The following UNC5D variants were observed in gnomAD, a reference collection of about 807,000 sequenced individuals.
The protein encoded by UNC5D is unc-5 netrin receptor D.
A neutral mutation model predicts 105.4 loss-of-function variants in UNC5D; 39 were observed. That is an observed-to-expected ratio of 0.37 (90% CI 0.29 to 0.48). The LOEUF is 0.48. UNC5D is among the 20% of genes least tolerant of loss of function. The probability of loss-of-function intolerance (pLI) is 0.98; values close to 1 mark genes in which losing one functional copy is unlikely to be tolerated. For synonymous variants in UNC5D, 452 were observed against 450.4 expected, an observed-to-expected ratio of 1.00 and a Z score of -0.04; for missense variants, 991 against 1,202.4, an observed-to-expected ratio of 0.82 and a Z score of 2.60.
At position 35,796,135 on chromosome 8, in the gene UNC5D, G is replaced by A. The variant is rs1185451100; in HGVS notation, c.*5572G>A. On this transcript the variant is annotated 3_prime_UTR_variant, in exon 17 of 17. Coordinates refer to ENST00000404895, the MANE Select transcript of UNC5D (RefSeq NM_080872.4). ...AAAAAATAAAATAAAATAAAGCAGG[G>A]CTGAACACTTAATTTGACATGAAGC... 6.6e-6 allele frequency: 1 copy of A among 152,060 alleles called. No individual in the cohort carries two copies. The highest frequency in any genetic ancestry group is 1.5e-5 in the Non-Finnish European group (1 of 68,028). 9.4% of individuals were successfully genotyped at this position (152,060 alleles called of 1,614,324 possible). A position where few individuals can be genotyped will look rare whatever the true frequency, so the allele number is the denominator to read the frequency against.
chr8:35,525,177 C>T, intron 1 of UNC5D: 2 of 1,610,166 alleles, frequency 1.2e-6, no homozygotes, highest in Non-Finnish European at 1.7e-6. Context: ...TGTACGGACT[C>T]AGGATGACAG....
At chr8:35,620,777 T>C (rs1821316356) in intron 4 of UNC5D, among the ~76,000 whole-genome samples, 1 of 152,222 alleles carries the variant, frequency 6.6e-6, no homozygotes, top group Non-Finnish European at 1.5e-5. Context: ...GTTTCCTAGT[T>C]TCTGTTGTCT....
At chr8:35,717,857 T>G (rs1011058026) in intron 8 of UNC5D, among the ~76,000 whole-genome samples, 12 of 152,286 alleles carry the variant, frequency 7.9e-5, no homozygotes, top group African/African-American at 2.9e-4. Flanking sequence ...TAACAACATT[T>G]TATGTATTCA....
intron 1 of UNC5D, among the ~76,000 whole-genome samples, chr8:35,368,073 T>C (rs1172945572): frequency 6.6e-6 from 1 of 152,194 alleles, no homozygotes; most frequent in Non-Finnish European, 1.5e-5. Flanking sequence ...GGTCAAATTA[T>C]GTCCACTAAG....
chr8:35,673,539 G>A (rs1385538761), intron 4 of UNC5D, among the ~76,000 whole-genome samples: 6 of 152,116 alleles, frequency 3.9e-5, no homozygotes, highest in African/African-American at 1.4e-4. Flanking sequence ...CAAGCATATA[G>A]CCTTAGGCAA....
chr8:35,266,198 T>C (rs907154693), intron 1 of UNC5D, among the ~76,000 whole-genome samples: 4 of 152,164 alleles, frequency 2.6e-5, no homozygotes, highest in Non-Finnish European at 5.9e-5. Flanking sequence ...GGGAGCTTAT[T>C]CGAGGTTTCT....
At chr8:35,578,689 C>T (rs946485502) in intron 3 of UNC5D, among the ~76,000 whole-genome samples, 1 of 152,106 alleles carries the variant, frequency 6.6e-6, no homozygotes, top group Admixed American at 6.5e-5. Context: ...TTTTAATAGA[C>T]AGTGTGAGCA....
intron 4 of UNC5D, among the ~76,000 whole-genome samples, chr8:35,661,865 G>A (rs1824125296): frequency 6.6e-6 from 1 of 152,116 alleles, no homozygotes; most frequent in South Asian, 2.1e-4. Context: ...TCCTTTCTTA[G>A]ATTCCTGATG....
At chr8:35,387,286 C>T (rs1039171263) in intron 1 of UNC5D, among the ~76,000 whole-genome samples, 12 of 149,042 alleles carry the variant, frequency 8.1e-5, no homozygotes, top group African/African-American at 3.0e-4. Context: ...TGGCGTGAAC[C>T]CGGGAGGCGG....
chr8:35,313,438 A>G (rs139859744), intron 1 of UNC5D, among the ~76,000 whole-genome samples: 1 of 152,324 alleles, frequency 6.6e-6, no homozygotes, highest in African/African-American at 2.4e-5. Flanking sequence ...CCCAGGTGAG[A>G]GAAAATGACT....
At chr8:35,756,566 A>C (rs539251912) in intron 13 of UNC5D, among the ~76,000 whole-genome samples, 14 of 150,056 alleles carry the variant, frequency 9.3e-5, no homozygotes, top group Middle Eastern at 6.8e-3. Flanking sequence ...AAAAAAAAAA[A>C]AGAAAAAAAG....
Position 35,558,411 on chromosome 8 carries a change from T to C in UNC5D, c.322+8901T>C, listed in dbSNP as rs1816708197. On this transcript the variant is annotated intron_variant, in intron 2 of 16. Coordinates refer to ENST00000404895, the MANE Select transcript of UNC5D (RefSeq NM_080872.4). ...ACCAAAATGCCTGTGATGGTATTAA[T>C]AAAAATAAAGGGCCATGCAAATACT... 5.3e-5 allele frequency among the ~76,000 whole-genome samples: 8 copies of C among 152,092 alleles called. No individual in the cohort carries two copies. In the South Asian group the frequency reaches 1.7e-3, roughly 31 times the overall value.
intron 11 of UNC5D, 95 bp downstream of exon 11, chr8:35,731,191 G>A (rs1370829015): frequency 4.2e-6 from 5 of 1,199,310 alleles, no homozygotes; most frequent in Non-Finnish European, 4.9e-6. Context: ...TTGAGGTCAG[G>A]AGTTCGAGAC....
chr8:35,724,104 G>A, intron 9 of UNC5D: 1 of 1,385,724 alleles, frequency 7.2e-7, no homozygotes, highest in Middle Eastern at 2.7e-4. Flanking sequence ...CAGGCAGCAG[G>A]TGAGAAGGGT....
chr8:35,582,916 T>G (rs561262890), intron 3 of UNC5D, among the ~76,000 whole-genome samples: 1 of 152,332 alleles, frequency 6.6e-6, no homozygotes, highest in African/African-American at 2.4e-5. Flanking sequence ...CCAGGTGGTT[T>G]TTAAAACTTT....
At chr8:35,432,702 C>A (rs1229350604) in intron 1 of UNC5D, among the ~76,000 whole-genome samples, 1 of 152,122 alleles carries the variant, frequency 6.6e-6, no homozygotes, top group Non-Finnish European at 1.5e-5. Context: ...AAATAATAAA[C>A]CATCTTATCT....
intron 1 of UNC5D, among the ~76,000 whole-genome samples, chr8:35,320,766 C>A (rs1377449602): frequency 6.6e-6 from 1 of 152,110 alleles, no homozygotes; most frequent in African/African-American, 2.4e-5. Flanking sequence ...CTGACACCCA[C>A]TTCCAATCAT....
rs1027207575 is a variant in UNC5D at position 35,791,520 on chromosome 8, A to C, written c.*957A>C. 6.6e-6 allele frequency: 1 copy of C among 152,016 alleles called. No individual in the cohort carries two copies. The highest frequency in any genetic ancestry group is 2.4e-5 in the African/African-American group (1 of 41,416). The allele number at this position is 152,016 out of a possible 1,614,324, so 9.4% of individuals were successfully genotyped here. A position where few individuals can be genotyped will look rare whatever the true frequency, so the allele number is the denominator to read the frequency against. On this transcript the variant is annotated 3_prime_UTR_variant, in exon 17 of 17. Transcript: ENST00000404895. ...ACACGTGTTGATCTAGTTATCTAACATTGTTGTTATAAGAAAATGAGTTTA... is the reference window on the plus strand; with the variant it reads ...ACACGTGTTGATCTAGTTATCTAACCTTGTTGTTATAAGAAAATGAGTTTA...
At chr8:35,499,385 G>A (rs544285288) in intron 1 of UNC5D, among the ~76,000 whole-genome samples, 1 of 152,128 alleles carries the variant, frequency 6.6e-6, no homozygotes, top group Non-Finnish European at 1.5e-5. Flanking sequence ...CCTCTTGGTT[G>A]TTTATTTCTT....
Sources: gnomAD v4.1 joint callset for allele counts (sites outside exome capture counted in the v4.1 genomes callset) on GRCh38, gnomAD v4.1.1 for gene constraint, MANE v1.5 for transcripts, NCBI Gene and HGNC (gene_info 2026-07-23, HGNC 2026-07-21) for gene names.